Variants in RANBP17 observed in about 807,000 individuals in gnomAD.
RANBP17 encodes the protein RAN binding protein 17.
In RANBP17, 158 loss-of-function variants were observed where a neutral mutation model predicts 141.2. That is an observed-to-expected ratio of 1.12 (90% CI 0.98 to 1.28). RANBP17 has a LOEUF of 1.28. RANBP17 is among the 50% of genes most tolerant of loss of function. RANBP17 has a pLI of 0.00. For synonymous variants in RANBP17, 430 were observed against 450.0 expected (o/e 0.96, Z 0.56); for missense variants, 1,438 against 1,290.7 (o/e 1.11, Z -1.75).
At chr5:170,997,411 T>C (rs1248460119) in intron 14 of RANBP17, among the ~76,000 whole-genome samples, 1 of 152,166 alleles carries the variant, frequency 6.6e-6, no homozygotes, top group Non-Finnish European at 1.5e-5. Flanking sequence ...GAAATCTGTA[T>C]TTTAACAAGC....
At chr5:170,893,399 C>G (rs1358461323) in intron 4 of RANBP17, among the ~76,000 whole-genome samples, 1 of 152,158 alleles carries the variant, frequency 6.6e-6, no homozygotes, top group South Asian at 2.1e-4. Flanking sequence ...TCATGCCTTG[C>G]TCAGTATGAT....
At chr5:171,094,589 A>G (rs1032414374) in intron 14 of RANBP17, among the ~76,000 whole-genome samples, 1 of 152,168 alleles carries the variant, frequency 6.6e-6, no homozygotes, top group Non-Finnish European at 1.5e-5. Flanking sequence ...GAAGCTCTCT[A>G]TGCATCTGAA....
intron 14 of RANBP17, among the ~76,000 whole-genome samples, chr5:171,053,530 A>G (rs1192222123): frequency 4.6e-5 from 7 of 152,080 alleles, no homozygotes; most frequent in Non-Finnish European, 1.0e-4. Context: ...GTTGATTGCT[A>G]GTATATAGGA....
Position 170,862,667 on chromosome 5 carries a change from C to G in RANBP17, c.18+616C>G, listed in dbSNP as rs1766906956. Among the ~76,000 whole-genome samples, 4 of 149,142 alleles carry G rather than the reference C, an allele frequency of 2.7e-5. No homozygotes were observed. The South Asian group carries it at 8.3e-4, about 31-fold the overall frequency. On this transcript the variant is annotated intron_variant, in intron 1 of 27. Transcript: ENST00000523189. Reference sequence around the variant, plus strand: ...CGGAGGAGGAAACCCGGGCCGGGCGCGGGCGCGGGCGCGGACGCGAGGATC... The same window carrying G: ...CGGAGGAGGAAACCCGGGCCGGGCGGGGGCGCGGGCGCGGACGCGAGGATC...
chr5:170,914,252 T>C lies in RANBP17; in HGVS notation c.834+12T>C. ...TACTATCTCAGTTAGTAAGTAAAAG[T>C]CATTCGTTATTTCGTTAAAAAATAC... is the stretch of plus-strand genomic sequence containing the variant. On this transcript the variant is annotated intron_variant, in intron 8 of 27. Transcript: ENST00000523189. 6.5e-7 allele frequency: 1 copy of C among 1,542,408 alleles called. No individual in the cohort carries two copies. Among genetic ancestry groups the C allele is most frequent in the East Asian group, 2.2e-5 (1 of 44,470 alleles).
At chr5:170,953,545 C>T in intron 12 of RANBP17, 52 bp from the exon 13 acceptor site, 3 of 1,205,608 alleles carry the variant, frequency 2.5e-6, no homozygotes, top group Non-Finnish European at 3.6e-6. Flanking sequence ...CCAAGATAAG[C>T]TACGTTTCTA....
At chr5:171,029,802 A>G (rs1781444408) in intron 14 of RANBP17, among the ~76,000 whole-genome samples, 1 of 152,100 alleles carries the variant, frequency 6.6e-6, no homozygotes. Context: ...GTATTCTGAC[A>G]TTTATAATCC....
chr5:170,924,191 C>T (rs114919896), intron 11 of RANBP17, among the ~76,000 whole-genome samples, 166 bp from the exon 12 acceptor site: 1,773 of 152,066 alleles, frequency 0.012, 32 homozygotes, highest in African/African-American at 0.041. Flanking sequence ...GTCAGGATTT[C>T]GCTATGTTGG....
intron 14 of RANBP17, among the ~76,000 whole-genome samples, chr5:170,990,496 A>G (rs1205738578): frequency 1.3e-5 from 2 of 151,950 alleles, no homozygotes; most frequent in Non-Finnish European, 2.9e-5. Flanking sequence ...AGGATAAATG[A>G]GCATTCTGAA....
At chr5:170,931,832 A>G (rs1293687904) in intron 12 of RANBP17, among the ~76,000 whole-genome samples, 9 of 152,180 alleles carry the variant, frequency 5.9e-5, no homozygotes, top group Admixed American at 4.6e-4. Flanking sequence ...GTTTGAAGTC[A>G]GGTAGCATGA....
intron 25 of RANBP17, among the ~76,000 whole-genome samples, chr5:171,268,701 A>G (rs1456321160): frequency 1.3e-5 from 2 of 152,170 alleles, no homozygotes; most frequent in Non-Finnish European, 2.9e-5. Context: ...AATCAGACCC[A>G]GCCTTTACCC....
intron 13 of RANBP17, 89 bp from the exon 14 acceptor site, chr5:170,968,153 A>AT (rs1206315895): frequency 1.1e-6 from 1 of 922,776 alleles, no homozygotes; most frequent in Non-Finnish European, 1.6e-6. Flanking sequence ...CAGTGATTAT[A>AT]TGTTATATTA....
intron 12 of RANBP17, among the ~76,000 whole-genome samples, chr5:170,951,271 T>C (rs557621258): frequency 6.6e-6 from 1 of 152,114 alleles, no homozygotes; most frequent in Non-Finnish European, 1.5e-5. Flanking sequence ...AGGCAATAGA[T>C]ATGCCAAATA....
chr5:171,181,552 T>C (rs563759769), intron 16 of RANBP17, among the ~76,000 whole-genome samples: 1 of 152,300 alleles, frequency 6.6e-6, no homozygotes, highest in Admixed American at 6.5e-5. Context: ...GAAAGTTTAC[T>C]GTCTAATACA....
chr5:171,174,765 T>TGC (rs1178184845), intron 16 of RANBP17, among the ~76,000 whole-genome samples: 15 of 150,602 alleles, frequency 1.0e-4, no homozygotes, highest in African/African-American at 3.7e-4. Context: ...TGTGTGTGTG[T>TGC]GTGTGTGTGT....
At chr5:171,012,080 TGTTTATTTGTTTAAACAAATAATAC>T (rs989714725) in intron 14 of RANBP17, among the ~76,000 whole-genome samples, 11 of 151,190 alleles carry the variant, frequency 7.3e-5, no homozygotes, top group East Asian at 3.9e-4. Flanking sequence ...ATATATTGTT[TGTTTATTTGTTTAAACAAATAATAC>T]ATTTGTTTAA....
chr5:170,999,549 C>G (rs952142889), intron 14 of RANBP17, among the ~76,000 whole-genome samples: 1 of 152,026 alleles, frequency 6.6e-6, no homozygotes, highest in Non-Finnish European at 1.5e-5. Flanking sequence ...TTGATATAAT[C>G]TTTTTGTAAA....
intron 14 of RANBP17, among the ~76,000 whole-genome samples, chr5:170,995,886 A>G (rs556233266): frequency 4.6e-5 from 7 of 152,282 alleles, no homozygotes; most frequent in Admixed American, 2.6e-4. Context: ...AATGCTGTTC[A>G]CAGTAGCATG....
intron 25 of RANBP17, among the ~76,000 whole-genome samples, chr5:171,283,539 C>A (rs1055990122): frequency 6.6e-6 from 1 of 152,204 alleles, no homozygotes. Flanking sequence ...ACTCTCAAAT[C>A]TGAAAATTCT....
Sources: allele counts gnomAD v4.1 joint callset (sites outside exome capture counted in the v4.1 genomes callset), GRCh38; gene constraint gnomAD v4.1.1; transcripts MANE v1.5; gene names NCBI Gene and HGNC (gene_info 2026-07-23, HGNC 2026-07-21).